Variants in SNTG1 observed in about 807,000 individuals in gnomAD.
The protein encoded by SNTG1 is syntrophin gamma 1.
Under a neutral mutation model 74.7 loss-of-function variants are expected in SNTG1, and 39 were observed. The observed-to-expected ratio is 0.52, with a 90% CI of 0.40 to 0.68. The LOEUF (loss-of-function observed/expected upper bound fraction) is 0.68. Among genes scored for constraint, SNTG1 ranks in the 30% least tolerant of loss-of-function variants. The pLI is 0.00. For missense variants in SNTG1, 685 were observed against 609.5 expected (o/e 1.12, Z -1.30); for synonymous variants, 254 against 217.1 (o/e 1.17, Z -1.49).
chr8:50,539,006 T>A (rs1321000908), intron 11 of SNTG1, among the ~76,000 whole-genome samples: 1 of 152,150 alleles, frequency 6.6e-6, no homozygotes, highest in Non-Finnish European at 1.5e-5. Flanking sequence ...TTTTTTTCAG[T>A]TCTAGTTTAT....
At chr8:50,361,302 G>A (rs1386451241) in intron 2 of SNTG1, among the ~76,000 whole-genome samples, 1 of 152,076 alleles carries the variant, frequency 6.6e-6, no homozygotes, top group South Asian at 2.1e-4. Flanking sequence ...CATCTCCCAT[G>A]GTAATGATGC....
chr8:50,173,931 A>G (rs2082899269), intron 2 of SNTG1, among the ~76,000 whole-genome samples: 1 of 152,164 alleles, frequency 6.6e-6, no homozygotes, highest in African/African-American at 2.4e-5. Context: ...TCAACCCATC[A>G]TCTAGGTTTT....
intron 15 of SNTG1, among the ~76,000 whole-genome samples, chr8:50,663,092 G>T (rs1284586421): frequency 6.6e-6 from 1 of 152,116 alleles, no homozygotes; most frequent in Non-Finnish European, 1.5e-5. Flanking sequence ...TGTCATGGCA[G>T]GGGTTGGAGT....
chr8:50,516,759 G>T (rs6989268), intron 9 of SNTG1, among the ~76,000 whole-genome samples: 1 of 152,062 alleles, frequency 6.6e-6, no homozygotes, highest in East Asian at 1.9e-4. Context: ...AGAATGAAAA[G>T]GAATGAACAA....
chr8:49,912,661 T>C (rs1226566313), intron 1 of SNTG1, among the ~76,000 whole-genome samples: 2 of 152,230 alleles, frequency 1.3e-5, no homozygotes, highest in Admixed American at 1.3e-4. Flanking sequence ...TGTTATAATA[T>C]ACTAAACTAT....
chr8:50,495,903 A>G (rs2093899630), intron 8 of SNTG1, among the ~76,000 whole-genome samples: 1 of 152,202 alleles, frequency 6.6e-6, no homozygotes, highest in Non-Finnish European at 1.5e-5. Flanking sequence ...GAAAGCCTTT[A>G]CATTACCGTT....
At chr8:50,520,432 T>C (rs1393143240) in intron 9 of SNTG1, among the ~76,000 whole-genome samples, 1 of 152,028 alleles carries the variant, frequency 6.6e-6, no homozygotes, top group East Asian at 1.9e-4. Flanking sequence ...AAAGCCAAAA[T>C]TGACAAAAGG....
At chr8:50,261,783 A>G (rs572931587) in intron 2 of SNTG1, among the ~76,000 whole-genome samples, 121 of 152,284 alleles carry the variant, frequency 7.9e-4, no homozygotes, top group African/African-American at 2.7e-3. Context: ...TATAACTGAC[A>G]TGCTAAGGAA....
At chr8:50,436,216 TTTAC>T (rs1363567325) in intron 4 of SNTG1, among the ~76,000 whole-genome samples, 8 of 152,182 alleles carry the variant, frequency 5.3e-5, no homozygotes, top group African/African-American at 1.9e-4. Flanking sequence ...GAATCACATA[TTTAC>T]TTTTTACAGA....
chr8:50,509,746 T>A lies in SNTG1; in HGVS notation c.466+6866T>A, dbSNP rs564419983. On this transcript the variant is annotated intron_variant, in intron 9 of 18. Coordinates refer to ENST00000642720, the MANE Select transcript of SNTG1 (RefSeq NM_018967.5). ...TGTTATTGGTGTGTAAGAAGGCTTG[T>A]GAGTTTTGCACATTGATTTTGTATC... Among the ~76,000 whole-genome samples, 26 of 152,280 alleles carry A rather than the reference T, an allele frequency of 1.7e-4. 1 individual carries two copies. Among genetic ancestry groups the A allele is most frequent in the African/African-American group, 6.0e-4 (25 of 41,540 alleles).
chr8:50,394,870 A>G (rs1187128263), intron 3 of SNTG1, among the ~76,000 whole-genome samples: 1 of 149,562 alleles, frequency 6.7e-6, no homozygotes, highest in Non-Finnish European at 1.5e-5. Context: ...TTTACTAAAT[A>G]TGTAACATTC....
chr8:50,220,287 T>C (rs2084999609), intron 2 of SNTG1, among the ~76,000 whole-genome samples: 2 of 152,132 alleles, frequency 1.3e-5, no homozygotes, highest in African/African-American at 4.8e-5. Flanking sequence ...CCACACAAAC[T>C]GCAAGGTGAA....
intron 2 of SNTG1, among the ~76,000 whole-genome samples, chr8:50,218,461 C>A (rs1257951841): frequency 6.6e-6 from 1 of 151,906 alleles, no homozygotes; most frequent in East Asian, 1.9e-4. Flanking sequence ...TAAATGCCTG[C>A]ATTATATGTT....
rs80140431 is a variant in SNTG1 at position 50,172,589 on chromosome 8, G to A, written c.-74G>A. Reference sequence around the variant, plus strand: ...GCTCTCCAGAATGTTGAGATTGCCCGAGAAGTGACCCCAGCAAAAGAAAAA... The same window carrying A: ...GCTCTCCAGAATGTTGAGATTGCCCAAGAAGTGACCCCAGCAAAAGAAAAA... On this transcript the variant is annotated 5_prime_UTR_variant, in exon 2 of 19. Coordinates refer to ENST00000642720, the MANE Select transcript of SNTG1 (RefSeq NM_018967.5). 7.2e-5 allele frequency: 11 copies of A among 151,908 alleles called. No individual in the cohort carries two copies. In the East Asian group the frequency reaches 1.7e-3, roughly 24 times the overall value. 9.4% of individuals were successfully genotyped at this position (151,908 alleles called of 1,614,324 possible). A position where few individuals can be genotyped will look rare whatever the true frequency, so the allele number is the denominator to read the frequency against.
intron 1 of SNTG1, among the ~76,000 whole-genome samples, chr8:49,933,564 T>C (rs923105610): frequency 2.0e-5 from 3 of 152,204 alleles, no homozygotes; most frequent in Non-Finnish European, 4.4e-5. Context: ...TATTTTTGCT[T>C]GTGGATTTCC....
Position 50,070,932 on chromosome 8 carries a change from G to T in SNTG1, c.-102-101629G>T, listed in dbSNP as rs570247008. On this transcript the variant is annotated intron_variant, in intron 1 of 18. Transcript: ENST00000642720. ...CTTCTCGTCTCCTTCTTCATGGAGG[G>T]TCGGACTTGCCACAGTCATTTAGCT... Among the ~76,000 whole-genome samples, 12 of 152,276 alleles carry T rather than the reference G, an allele frequency of 7.9e-5. No individual in the cohort carries two copies. The East Asian group carries it at 1.5e-3, about 20-fold the overall frequency.
chr8:50,372,347 A>G (rs544979407), intron 2 of SNTG1, among the ~76,000 whole-genome samples: 5 of 151,744 alleles, frequency 3.3e-5, no homozygotes, highest in African/African-American at 1.2e-4. Context: ...TTTTAAATTG[A>G]TAACAACTTA....
intron 5 of SNTG1, among the ~76,000 whole-genome samples, chr8:50,443,670 T>C (rs1248200702): frequency 1.3e-5 from 2 of 152,174 alleles, no homozygotes; most frequent in Non-Finnish European, 2.9e-5. Flanking sequence ...TCATCAATTG[T>C]TATAAGCAGT....
chr8:50,788,651 T>G (rs2095682664), intron 18 of SNTG1, among the ~76,000 whole-genome samples: 1 of 151,996 alleles, frequency 6.6e-6, no homozygotes, highest in African/African-American at 2.4e-5. Context: ...ATGAGGAAGA[T>G]AAATTCCAGA....
Sources: allele counts gnomAD v4.1 joint callset (sites outside exome capture counted in the v4.1 genomes callset), GRCh38; gene constraint gnomAD v4.1.1; transcripts MANE v1.5; gene names NCBI Gene and HGNC (gene_info 2026-07-23, HGNC 2026-07-21).